The following LCOR variants were observed in gnomAD, a reference collection of about 807,000 sequenced individuals.
LCOR encodes ligand-dependent corepressor.
Under a neutral mutation model 64.4 loss-of-function variants are expected in LCOR, and 14 were observed. The observed-to-expected ratio is 0.22, with a 90% CI of 0.14 to 0.34. The LOEUF is 0.34. Ranked by LOEUF, LCOR falls within the 10% of genes least tolerant of loss-of-function variation. The pLI is 1.00. For synonymous variants in LCOR, 643 were observed against 642.5 expected, an observed-to-expected ratio of 1.00 and a Z score of -0.01; for missense variants, 1,686 against 1,765.3, an observed-to-expected ratio of 0.96 and a Z score of 0.80.
At chr10:96,938,992 A>G (rs902090483) in intron 4 of LCOR, among the ~76,000 whole-genome samples, 1 of 152,236 alleles carries the variant, frequency 6.6e-6, no homozygotes, top group Admixed American at 6.5e-5. Flanking sequence ...ACTTATTTGC[A>G]GAGATTCACA....
intron 7 of LCOR, chr10:96,956,698 A>T: frequency 1.0e-6 from 1 of 985,902 alleles, no homozygotes; most frequent in Non-Finnish European, 1.2e-6. Flanking sequence ...GGTCTCACCA[A>T]CAAGTGAGGA....
Position 96,904,821 on chromosome 10 carries a change from A to G in LCOR, c.-329-2444A>G, listed in dbSNP as rs148349867. ...GCCTTTCATTAATGTCAAGCATAGC[A>G]CGTCAGACATTCCCTGTTGCTATGC... is the stretch of plus-strand genomic sequence containing the variant. On this transcript the variant is annotated intron_variant, in intron 2 of 7. Coordinates refer to ENST00000421806, the MANE Select transcript of LCOR (RefSeq NM_001346516.2). Among the ~76,000 whole-genome samples, 428 of 152,300 alleles carry G rather than the reference A, an allele frequency of 2.8e-3. 4 individuals carry two copies. The highest frequency in any genetic ancestry group is 9.9e-3 in the African/African-American group (413 of 41,566).
chr10:96,941,416 A>ACCC (rs1309481605), intron 4 of LCOR, among the ~76,000 whole-genome samples: 1 of 128,556 alleles, frequency 7.8e-6, no homozygotes, highest in Non-Finnish European at 1.7e-5. Context: ...CAGGGGGCTG[A>ACCC]CCCCCCACCT....
intron 4 of LCOR, among the ~76,000 whole-genome samples, chr10:96,920,367 TGTA>T (rs1847026569): frequency 6.7e-6 from 1 of 149,694 alleles, no homozygotes; most frequent in South Asian, 2.1e-4. Context: ...CTTGTTAAAT[TGTA>T]GTTCTTCATT....
Position 96,990,975 on chromosome 10 carries a change from C to T in LCOR, c.*5841C>T, listed in dbSNP as rs1289230243. The T allele has an allele frequency of 6.8e-6, 1 of 147,638 alleles. No homozygotes were observed. Among genetic ancestry groups the T allele is most frequent in the Non-Finnish European group, 1.5e-5 (1 of 67,584 alleles). The allele number at this position is 147,638 out of a possible 1,614,324, so 9.1% of individuals were successfully genotyped here. A position where few individuals can be genotyped will look rare whatever the true frequency, so the allele number is the denominator to read the frequency against. ...CAGGTACTCATGGTATTACAATATG[C>T]CAGGGGTTGGACAAATGGATTTTTT... On this transcript the variant is annotated 3_prime_UTR_variant, in exon 8 of 8. Transcript: ENST00000421806.
chr10:96,926,166 C>CT (rs1325210250), intron 4 of LCOR, among the ~76,000 whole-genome samples: 1 of 152,166 alleles, frequency 6.6e-6, no homozygotes, highest in East Asian at 1.9e-4. Flanking sequence ...CACATACCCC[C>CT]TTTTTTGCCC....
chr10:96,838,146 C>G (rs1285582860), intron 2 of LCOR, among the ~76,000 whole-genome samples: 1 of 152,092 alleles, frequency 6.6e-6, no homozygotes, highest in Non-Finnish European at 1.5e-5. Context: ...AGCAAGTATC[C>G]CAAGTACAGT....
At chr10:96,881,522 T>C (rs1846262585) in intron 2 of LCOR, among the ~76,000 whole-genome samples, 1 of 151,810 alleles carries the variant, frequency 6.6e-6, no homozygotes, top group African/African-American at 2.4e-5. Context: ...AGTGGCGCAG[T>C]CTCAGCTCAC....
intron 4 of LCOR, among the ~76,000 whole-genome samples, chr10:96,938,062 C>T (rs1847382869): frequency 6.6e-6 from 1 of 152,202 alleles, no homozygotes; most frequent in African/African-American, 2.4e-5. Flanking sequence ...GGAAATACTC[C>T]TGCCTCAGCC....
chr10:96,835,149 T>G (rs959463222), intron 2 of LCOR, among the ~76,000 whole-genome samples: 2 of 152,228 alleles, frequency 1.3e-5, no homozygotes, highest in African/African-American at 4.8e-5. Context: ...TCCGCCCGCC[T>G]CGGCTTCCCA....
intron 7 of LCOR, among the ~76,000 whole-genome samples, chr10:96,971,726 C>T (rs1448416547): frequency 6.6e-6 from 1 of 152,126 alleles, no homozygotes; most frequent in Middle Eastern, 3.4e-3. Flanking sequence ...AAATGAGAAA[C>T]GAGGGGCAGA....
chr10:96,849,490 G>A (rs1479351803), intron 2 of LCOR, among the ~76,000 whole-genome samples: 2 of 152,150 alleles, frequency 1.3e-5, no homozygotes, highest in African/African-American at 2.4e-5. Context: ...GATTGCAGCC[G>A]CGAGCCACCA....
At chr10:96,972,601 A>G (rs969326371) in intron 7 of LCOR, among the ~76,000 whole-genome samples, 1 of 152,164 alleles carries the variant, frequency 6.6e-6, no homozygotes, top group Admixed American at 6.5e-5. Flanking sequence ...TGATAGTTAT[A>G]TTTTTTATTG....
rs1589352433 is a variant in LCOR, at chr10:96,987,550, A to G, written c.*2416A>G. 6.6e-6 allele frequency: 1 copy of G among 152,214 alleles called. No homozygotes were observed. The highest frequency in any genetic ancestry group is 1.9e-4 in the East Asian group (1 of 5,202). The allele number at this position is 152,214 out of a possible 1,614,324, so 9.4% of individuals were successfully genotyped here. A position where few individuals can be genotyped will look rare whatever the true frequency, so the allele number is the denominator to read the frequency against. ...TGTGTGAGAAAAGGTGTTAATGTGT[A>G]TGTATGTATTTTATATACCTAACAA... On this transcript the variant is annotated 3_prime_UTR_variant, in exon 8 of 8. Coordinates refer to ENST00000421806, the MANE Select transcript of LCOR (RefSeq NM_001346516.2).
At chr10:96,957,013 T>C in intron 7 of LCOR, 1 of 985,296 alleles carries the variant, frequency 1.0e-6, no homozygotes, top group Non-Finnish European at 1.2e-6. Flanking sequence ...TAATGAAGGA[T>C]CCATGTTTGT....
chr10:96,891,355 G>C (rs1335370992), intron 2 of LCOR, among the ~76,000 whole-genome samples: 1 of 151,298 alleles, frequency 6.6e-6, no homozygotes, highest in Non-Finnish European at 1.5e-5. Flanking sequence ...GATGTCCCCA[G>C]TTTTATTCCT....
At chr10:96,970,910 C>T (rs562915009) in intron 7 of LCOR, among the ~76,000 whole-genome samples, 8 of 152,128 alleles carry the variant, frequency 5.3e-5, no homozygotes, top group Admixed American at 2.0e-4. Context: ...TGAGCCACCA[C>T]GCACAGCTCT....
chr10:96,937,827 G>C (rs1228987356), intron 4 of LCOR, among the ~76,000 whole-genome samples: 1 of 152,096 alleles, frequency 6.6e-6, no homozygotes, highest in Non-Finnish European at 1.5e-5. Flanking sequence ...ATGAGTACCA[G>C]CACAAAAAAA....
intron 4 of LCOR, among the ~76,000 whole-genome samples, chr10:96,940,116 G>C (rs761628334): frequency 6.6e-6 from 1 of 152,040 alleles, no homozygotes; most frequent in South Asian, 2.1e-4. Context: ...ACTAAAATGG[G>C]TATAATAAAA....
Sources: allele counts gnomAD v4.1 joint callset (sites outside exome capture counted in the v4.1 genomes callset), GRCh38; gene constraint gnomAD v4.1.1; transcripts MANE v1.5; gene names NCBI Gene and HGNC (gene_info 2026-07-23, HGNC 2026-07-21).